Variants in NIPSNAP2 observed in about 807,000 individuals in gnomAD.
The protein encoded by NIPSNAP2 is nipsnap homolog 2, also known as protein NipSnap homolog 2.
In NIPSNAP2, 42 loss-of-function variants were observed where a neutral mutation model predicts 48.4. That is an observed-to-expected ratio of 0.87 (90% CI 0.68 to 1.12). The LOEUF (loss-of-function observed/expected upper bound fraction) is 1.12. Ranked by LOEUF, NIPSNAP2 falls within the 50% of genes most tolerant of loss-of-function variation. The probability of loss-of-function intolerance (pLI) is 0.00; values close to 1 mark genes in which losing one functional copy is unlikely to be tolerated. For synonymous variants in NIPSNAP2, 158 were observed against 126.6 expected, an observed-to-expected ratio of 1.25 and a Z score of -1.67; for missense variants, 314 against 347.3, an observed-to-expected ratio of 0.90 and a Z score of 0.76.
chr7:55,982,169 T>C, intron 4 of NIPSNAP2, 41 bp from the exon 5 acceptor site: 1 of 1,305,154 alleles, frequency 7.7e-7, no homozygotes, highest in Non-Finnish European at 1.1e-6. Context: ...AGTAGTATCA[T>C]GAAATTCTAA....
intron 3 of NIPSNAP2, 128 bp from the exon 4 acceptor site, chr7:55,981,345 C>G: frequency 1.5e-6 from 1 of 655,856 alleles, no homozygotes. Flanking sequence ...GCCGTTTTAT[C>G]ATGATGTTCT....
chr7:55,973,888 A>G (rs763183371), intron 1 of NIPSNAP2, among the ~76,000 whole-genome samples: 8 of 152,212 alleles, frequency 5.3e-5, no homozygotes, highest in Admixed American at 1.3e-4. Context: ...TTAAAAGAAC[A>G]TCATATTGGG....
intron 8 of NIPSNAP2, among the ~76,000 whole-genome samples, chr7:55,997,134 G>T (rs920324561): frequency 6.6e-6 from 1 of 151,312 alleles, no homozygotes; most frequent in Admixed American, 6.6e-5. Context: ...GCTCCAGGCT[G>T]GTTGACAGAG....
At chr7:55,984,717 CAAA>C (rs34985300) in intron 6 of NIPSNAP2, 127 bp from the exon 7 acceptor site, 18,665 of 482,546 alleles carry the variant, frequency 0.039, 1 homozygote, top group Middle Eastern at 0.045. Flanking sequence ...GATTCTGTCT[CAAA>C]AAAAAAAAAA....
intron 7 of NIPSNAP2, among the ~76,000 whole-genome samples, chr7:55,989,790 T>C (rs1394527531): frequency 6.6e-6 from 1 of 152,120 alleles, no homozygotes; most frequent in Non-Finnish European, 1.5e-5. Flanking sequence ...CCATACTTAC[T>C]TCATTATGGG....
In NIPSNAP2 at chr7:55,971,960, C is replaced by CA. The variant is rs200195199; in HGVS notation, c.93-6158dup. Among the ~76,000 whole-genome samples the CA allele has an allele frequency of 3.3e-5, 5 of 151,526 alleles. No individual in the cohort carries two copies. The South Asian group carries it at 6.3e-4, about 19-fold the overall frequency. ...TCCTAAGCTTTTACAATTTATTTAACAAAAAAAATTGTAGACACAATTTCT... is the reference window on the plus strand; with the variant it reads ...TCCTAAGCTTTTACAATTTATTTAACAAAAAAAAATTGTAGACACAATTTCT... On this transcript the variant is annotated intron_variant, in intron 1 of 9. Transcript: ENST00000322090.
At chr7:55,975,374 G>A (rs1051582926) in intron 1 of NIPSNAP2, among the ~76,000 whole-genome samples, 32 of 151,996 alleles carry the variant, frequency 2.1e-4, no homozygotes, top group Non-Finnish European at 4.0e-4. Context: ...GAGAACAAAA[G>A]TATAAAGGGT....
intron 7 of NIPSNAP2, among the ~76,000 whole-genome samples, chr7:55,988,042 A>T (rs1449544820): frequency 1.3e-5 from 2 of 152,106 alleles, no homozygotes; most frequent in African/African-American, 4.8e-5. Flanking sequence ...TGGGCAGATC[A>T]CCTGAGATCA....
chr7:55,997,219 C>G, intron 8 of NIPSNAP2, 147 bp from the exon 9 acceptor site: 1 of 483,872 alleles, frequency 2.1e-6, no homozygotes, highest in Non-Finnish European at 3.7e-6. Context: ...TAATTTTGCT[C>G]AGAATTTCCC....
chr7:55,973,219 T>A (rs1320500155), intron 1 of NIPSNAP2, among the ~76,000 whole-genome samples: 1 of 152,184 alleles, frequency 6.6e-6, no homozygotes, highest in Non-Finnish European at 1.5e-5. Context: ...CCACCATTAA[T>A]GCTTTCTTAA....
At chr7:55,980,503 T>TC (rs1787191305) in intron 3 of NIPSNAP2, 1 of 152,226 alleles carries the variant, frequency 6.6e-6, no homozygotes, top group South Asian at 2.1e-4. Context: ...TTGCCCTTGA[T>TC]CCCCTTTTGC....
At chr7:55,968,417 G>A (rs1334318465) in intron 1 of NIPSNAP2, among the ~76,000 whole-genome samples, 2 of 144,532 alleles carry the variant, frequency 1.4e-5, no homozygotes, top group Non-Finnish European at 3.0e-5. Context: ...ACAGAGTCTC[G>A]CTCTGTCACC....
At chr7:55,980,706 A>G (rs2116349365) in intron 3 of NIPSNAP2, 1 of 152,192 alleles carries the variant, frequency 6.6e-6, no homozygotes, top group East Asian at 1.9e-4. Context: ...AAATTCATAC[A>G]CTGCCGTGAC....
chr7:55,970,231 G>A (rs1221943212), intron 1 of NIPSNAP2, among the ~76,000 whole-genome samples: 1 of 151,868 alleles, frequency 6.6e-6, no homozygotes, highest in Non-Finnish European at 1.5e-5. Context: ...GGCAGCCAGG[G>A]TGCCCAGGAA....
At chr7:55,986,243 T>G (rs1473801718) in intron 7 of NIPSNAP2, among the ~76,000 whole-genome samples, 1 of 148,252 alleles carries the variant, frequency 6.7e-6, no homozygotes, top group Admixed American at 6.7e-5. Flanking sequence ...TGGCACACAC[T>G]TGTAGTCCCA....
rs1438744418 is a variant in NIPSNAP2, at chr7:55,998,545, GGC to G, written c.797-462_797-461del. Reference sequence around the variant, plus strand: ...GAGACGGAGTCTTGTTCTGTCGCCAGGCTGGAGTGCAGTGACGCGATCTCGGC... The same window carrying G: ...GAGACGGAGTCTTGTTCTGTCGCCAGTGGAGTGCAGTGACGCGATCTCGGC... On this transcript the variant is annotated intron_variant, in intron 9 of 9. Coordinates refer to ENST00000322090, the MANE Select transcript of NIPSNAP2 (RefSeq NM_001483.3). Among the ~76,000 whole-genome samples, 4 of 119,780 alleles carry G rather than the reference GGC, an allele frequency of 3.3e-5. No homozygotes were observed. In the Admixed American group the frequency reaches 4.7e-4, roughly 14 times the overall value. 78.6% of individuals were successfully genotyped at this position (119,780 alleles called of 152,430 possible).
intron 9 of NIPSNAP2, 144 bp downstream of exon 9, chr7:55,997,593 AATTTTTC>A (rs1238739384): frequency 3.4e-6 from 2 of 592,562 alleles, no homozygotes; most frequent in Non-Finnish European, 6.0e-6. Flanking sequence ...GGAGATAGTC[AATTTTTC>A]TCTAATACTT....
intron 8 of NIPSNAP2, among the ~76,000 whole-genome samples, chr7:55,996,938 T>C (rs1200079194): frequency 6.6e-6 from 1 of 152,124 alleles, no homozygotes; most frequent in Admixed American, 6.6e-5. Context: ...TCTAGCACTT[T>C]GGGAGACTGA....
At chr7:55,975,374 G>T (rs1051582926) in intron 1 of NIPSNAP2, among the ~76,000 whole-genome samples, 1 of 151,996 alleles carries the variant, frequency 6.6e-6, no homozygotes, top group Non-Finnish European at 1.5e-5. Flanking sequence ...GAGAACAAAA[G>T]TATAAAGGGT....
Sources: allele counts gnomAD v4.1 joint callset (sites outside exome capture counted in the v4.1 genomes callset), GRCh38; gene constraint gnomAD v4.1.1; transcripts MANE v1.5; gene names NCBI Gene and HGNC (gene_info 2026-07-23, HGNC 2026-07-21).